Variants in RARB observed in about 807,000 individuals in gnomAD.
RARB encodes the protein retinoic acid receptor beta.
RARB carries 17 observed loss-of-function variants against 51.9 expected under a neutral mutation model. The observed-to-expected ratio is 0.33, with a 90% CI of 0.22 to 0.49. RARB has a LOEUF of 0.49. Among genes scored for constraint, RARB ranks in the 20% least tolerant of loss-of-function variants. The pLI, the probability that RARB is intolerant of heterozygous loss-of-function variation, is 0.99. For missense variants in RARB, 369 were observed against 550.8 expected (o/e 0.67, Z 3.30); for synonymous variants, 215 against 195.4 (o/e 1.10, Z -0.84).
intron 2 of RARB, among the ~76,000 whole-genome samples, chr3:24,895,686 C>T (rs1460574382): frequency 6.6e-6 from 1 of 151,496 alleles, no homozygotes; most frequent in Non-Finnish European, 1.5e-5. Flanking sequence ...AGACTGTGAA[C>T]CCTTTGGGAT....
At chr3:25,523,529 G>A (rs1698498778) in intron 3 of RARB, among the ~76,000 whole-genome samples, 1 of 152,158 alleles carries the variant, frequency 6.6e-6, no homozygotes, top group Admixed American at 6.5e-5. Context: ...ATAGAACCTG[G>A]CTGTACTGTT....
intron 2 of RARB, among the ~76,000 whole-genome samples, chr3:24,874,210 G>A (rs1703000884): frequency 1.3e-5 from 2 of 151,950 alleles, no homozygotes; most frequent in African/African-American, 4.8e-5. Context: ...AGAACAATAT[G>A]GTACTACTGA....
intron 2 of RARB, among the ~76,000 whole-genome samples, chr3:24,907,103 A>T (rs896497117): frequency 1.3e-5 from 2 of 152,126 alleles, no homozygotes; most frequent in African/African-American, 4.8e-5. Flanking sequence ...CCCCCATGTG[A>T]TAGGTATTAT....
intron 2 of RARB, among the ~76,000 whole-genome samples, chr3:24,964,755 T>C (rs1392285347): frequency 1.3e-5 from 2 of 152,174 alleles, no homozygotes. Flanking sequence ...ACCTGAGCAA[T>C]TGTCTCCTTG....
chr3:25,371,243 G>T (rs1398738888), intron 5 of RARB, among the ~76,000 whole-genome samples: 1 of 152,096 alleles, frequency 6.6e-6, no homozygotes, highest in Non-Finnish European at 1.5e-5. Flanking sequence ...CATTATTTTG[G>T]AATAATAATA....
intron 3 of RARB, among the ~76,000 whole-genome samples, chr3:25,537,910 A>T (rs1190120931): frequency 6.6e-6 from 1 of 152,174 alleles, no homozygotes; most frequent in South Asian, 2.1e-4. Context: ...AAGTCAGGAT[A>T]TCTAGGTCAG....
At chr3:25,092,152 G>A (rs1193286381) in intron 3 of RARB, among the ~76,000 whole-genome samples, 2 of 152,176 alleles carry the variant, frequency 1.3e-5, no homozygotes, top group Non-Finnish European at 2.9e-5. Flanking sequence ...GAGGCACTTA[G>A]GAGAGAGGAG....
At chr3:25,118,875 T>A (rs553386461) in intron 3 of RARB, among the ~76,000 whole-genome samples, 2 of 152,174 alleles carry the variant, frequency 1.3e-5, no homozygotes, top group East Asian at 3.9e-4. Context: ...TAACTTTAAT[T>A]TTTATCTCAA....
chr3:25,017,617 G>T (rs1697541378), intron 2 of RARB, among the ~76,000 whole-genome samples: 1 of 152,118 alleles, frequency 6.6e-6, no homozygotes, highest in Non-Finnish European at 1.5e-5. Flanking sequence ...TAGGAGATAA[G>T]GTGGAAACAG....
chr3:25,395,387 CT>C (rs1426362763), intron 5 of RARB, among the ~76,000 whole-genome samples: 3 of 152,050 alleles, frequency 2.0e-5, no homozygotes, highest in Non-Finnish European at 4.4e-5. Flanking sequence ...AGGTGATGAT[CT>C]TTTTTTGCAA....
chr3:25,193,884 T>C (rs768442061), intron 5 of RARB, among the ~76,000 whole-genome samples: 9 of 132,568 alleles, frequency 6.8e-5, no homozygotes, highest in Non-Finnish European at 1.3e-4. Flanking sequence ...TACCAATAAA[T>C]ATTCAAAATT....
At chr3:25,301,225 A>G (rs1704030239) in intron 5 of RARB, among the ~76,000 whole-genome samples, 1 of 152,158 alleles carries the variant, frequency 6.6e-6, no homozygotes, top group Admixed American at 6.5e-5. Context: ...ACATAACCTC[A>G]TTATAAGTGG....
intron 4 of RARB, among the ~76,000 whole-genome samples, chr3:25,171,186 C>T (rs1171958042): frequency 6.6e-6 from 1 of 152,074 alleles, no homozygotes; most frequent in Non-Finnish European, 1.5e-5. Context: ...CCAGTCCCTA[C>T]TTCCTTCCTG....
intron 2 of RARB, among the ~76,000 whole-genome samples, chr3:24,956,356 T>C (rs999167787): frequency 6.6e-5 from 10 of 152,210 alleles, no homozygotes; most frequent in African/African-American, 2.4e-4. Flanking sequence ...GAGCTTAATA[T>C]ATACCATGTA....
In RARB at chr3:25,575,846, C is replaced by T. The variant is rs535244648; in HGVS notation, c.610-4700C>T. Among the ~76,000 whole-genome samples, 49 of 152,270 alleles carry T rather than the reference C, an allele frequency of 3.2e-4. No homozygotes were observed. In the South Asian group the frequency reaches 9.1e-3, roughly 28 times the overall value. ...TCTTTTTGAGGAACACAGTTTAACC[C>T]GTAACAAACAGTAACACCTAGTGAG... On this transcript the variant is annotated intron_variant, in intron 4 of 7. Transcript: ENST00000330688.
intron 3 of RARB, among the ~76,000 whole-genome samples, chr3:25,114,994 T>C (rs1699662700): frequency 6.6e-6 from 1 of 152,232 alleles, no homozygotes; most frequent in Non-Finnish European, 1.5e-5. Context: ...GTTTCCCTTT[T>C]AGTGCTCAAG....
intron 2 of RARB, among the ~76,000 whole-genome samples, chr3:24,986,546 A>G (rs73143051): frequency 0.019 from 2,824 of 152,324 alleles, 80 homozygotes; most frequent in African/African-American, 0.064. Context: ...TTAAAGAAAT[A>G]TTAATAGTAG....
chr3:24,899,010 G>T (rs912534374), intron 2 of RARB, among the ~76,000 whole-genome samples: 1 of 152,170 alleles, frequency 6.6e-6, no homozygotes, highest in Non-Finnish European at 1.5e-5. Context: ...AGTACTCAAG[G>T]TTGTCAAAGT....
chr3:24,952,960 A>G (rs1236623836), intron 2 of RARB, among the ~76,000 whole-genome samples: 1 of 152,130 alleles, frequency 6.6e-6, no homozygotes, highest in Non-Finnish European at 1.5e-5. Flanking sequence ...TTCGCAAAGC[A>G]TATTAAGTAT....
Sources: allele counts gnomAD v4.1 joint callset (sites outside exome capture counted in the v4.1 genomes callset), GRCh38; gene constraint gnomAD v4.1.1; transcripts MANE v1.5; gene names NCBI Gene and HGNC (gene_info 2026-07-23, HGNC 2026-07-21).